LAMB2: variants seen among roughly 807,000 people sequenced by gnomAD.
LAMB2 encodes the protein laminin subunit beta 2.
In LAMB2, 119 loss-of-function variants were observed where a neutral mutation model predicts 202.7. That is an observed-to-expected ratio of 0.59 (90% CI 0.51 to 0.68). LAMB2 has a LOEUF of 0.68. Ranked by LOEUF, LAMB2 falls within the 30% of genes least tolerant of loss-of-function variation. The pLI is 0.00. For missense variants in LAMB2, 2,124 were observed against 2,410.6 expected, an observed-to-expected ratio of 0.88 and a Z score of 2.49; for synonymous variants, 818 against 902.2, an observed-to-expected ratio of 0.91 and a Z score of 1.67.
At chr3:49,125,566 T>A in intron 18 of LAMB2, 82 bp from the exon 19 acceptor site, 1 of 1,401,238 alleles carries the variant, frequency 7.1e-7, no homozygotes. Context: ...CAGGGGAGTG[T>A]GAGTAGTGGG....
chr3:49,132,935 G>T lies in LAMB2; in HGVS notation c.-68C>A, dbSNP rs2045498096. 1 of 1,435,862 alleles carries T rather than the reference G, an allele frequency of 7.0e-7. No homozygotes were observed. The highest frequency in any genetic ancestry group is 1.4e-5 in the African/African-American group (1 of 71,318). The allele number at this position is 1,435,862 out of a possible 1,614,324, so 88.9% of individuals were successfully genotyped here. A position where few individuals can be genotyped will look rare whatever the true frequency, so the allele number is the denominator to read the frequency against. ...GGCCCGAGCCCTCCTCCTTGCTTTG[G>T]GGTTCCGTGTCAACTCTGCCTGTGG... is the stretch of plus-strand genomic sequence containing the variant. On this transcript the variant is annotated 5_prime_UTR_variant, in exon 1 of 32. Transcript: ENST00000305544. The surrounding 1 kb of genome is among the most constrained non-coding windows in gnomAD (Gnocchi z 4.6).
chr3:49,125,311 T>C lies in LAMB2; in HGVS notation c.2662A>G (p.Thr888Ala). The C allele has an allele frequency of 1.2e-6, 2 of 1,613,920 alleles. No individual in the cohort carries two copies. The highest frequency in any genetic ancestry group is 1.7e-6 in the Non-Finnish European group (2 of 1,180,042). ...VCNGHADECNTHTGACLGCRD... is the reference protein window; with the variant it reads ...VCNGHADECNAHTGACLGCRD... ...CAGCCCAGGCAAGCGCCTGTGTGGG[T>C]GTTGCACTCATCTGCATGCCCATTG... is the stretch of plus-strand genomic sequence containing the variant. Residue 888 changes from threonine to alanine, a missense_variant, in exon 19 of 32, where the codon ACC becomes GCC. Coordinates refer to ENST00000305544, the MANE Select transcript of LAMB2 (RefSeq NM_002292.4).
Position 49,124,296 on chromosome 3 carries a change from G to A in LAMB2, c.3328-10C>T, listed in dbSNP as rs778116467. On this transcript the variant is annotated splice_polypyrimidine_tract_variant and intron_variant, in intron 22 of 31. Transcript: ENST00000305544. ...GGCACTGCCCTGTGAACTGGGGTGG[G>A]AACAAGGCAGGGTCAGAGCCTCTAT... 1.2e-6 allele frequency: 2 copies of A among 1,613,898 alleles called. No homozygotes were observed. Among genetic ancestry groups the A allele is most frequent in the Admixed American group, 1.7e-5 (1 of 60,032 alleles).
chr3:49,122,048 C>G lies in LAMB2; in HGVS notation c.4819G>C (p.Val1607Leu). The change falls in exon 29 of 32, where the codon GTA (valine) becomes CTA (leucine). Residue 1607 changes from valine to leucine, a missense_variant. Coordinates refer to ENST00000305544, the MANE Select transcript of LAMB2 (RefSeq NM_002292.4). The part of the protein sequence containing the change: ...AEDEKQKAET[V>L]QAALEEAQRA... ...TGGGCCTCCTCCAGTGCTGCCTGTACTGTCTCTGCCTTCTGTTTCTCATCC... is the reference window on the plus strand; with the variant it reads ...TGGGCCTCCTCCAGTGCTGCCTGTAGTGTCTCTGCCTTCTGTTTCTCATCC... 6.2e-7 allele frequency: 1 copy of G among 1,613,672 alleles called. No individual in the cohort carries two copies. The highest frequency in any genetic ancestry group is 8.5e-7 in the Non-Finnish European group (1 of 1,180,034).
rs943097202 is a variant in LAMB2, at chr3:49,129,461, C to T, written c.1519-137G>A. On this transcript the variant is annotated intron_variant, in intron 11 of 31. Transcript: ENST00000305544. This position sits in a 1 kb window ranked among gnomAD's most constrained non-coding sequence, Gnocchi z 6.1. ...GCCCCCCAGACCACTGGCCCACATC[C>T]TTGGCCTCCCAGACCTGAGGCTTCT... 1 of 1,079,142 alleles carries T rather than the reference C, an allele frequency of 9.3e-7. No homozygotes were observed. Among genetic ancestry groups the T allele is most frequent in the African/African-American group, 1.6e-5 (1 of 64,050 alleles). The allele number at this position is 1,079,142 out of a possible 1,614,324, so 66.8% of individuals were successfully genotyped here.
chr3:49,128,309 C>A (rs2045442890), intron 15 of LAMB2, 149 bp downstream of exon 15: 5 of 1,046,946 alleles, frequency 4.8e-6, no homozygotes, highest in Admixed American at 2.5e-5. Context: ...CAGAGCCATG[C>A]CCAACAGGGC....
Position 49,122,818 on chromosome 3 carries a change from C to A in LAMB2, c.4459G>T (p.Ala1487Ser), listed in dbSNP as rs917006966. 2.0e-5 allele frequency: 33 copies of A among 1,613,410 alleles called. No individual in the cohort carries two copies. The highest frequency in any genetic ancestry group is 2.4e-5 in the Non-Finnish European group (28 of 1,180,024). ...VAETRRQASEAQQRAQAALDK... is the reference protein window; with the variant it reads ...VAETRRQASESQQRAQAALDK... The stretch of plus-strand genomic sequence containing the variant: ...AGGGCTGCCTGGGCCCGCTGCTGTG[C>A]CTCGCTTGCCTGCCGACGAGTCTCA... The change falls in exon 27 of 32, where the codon GCA becomes TCA. Residue 1487 changes from alanine to serine, a missense_variant. Ala to Ser is a moderately conservative substitution (Grantham distance 99, BLOSUM62 1). Around this residue, in one of 3 missense-constraint regions of LAMB2, gnomAD observed 1,702 missense variants for 1,896.3 expected, o/e 0.90. Transcript: ENST00000305544.
At position 49,132,060 on chromosome 3, in the gene LAMB2, G is replaced by T; in HGVS notation, c.459+56C>A. Reference sequence around the variant, plus strand: ...TGTTAAGGAGCTGAGGCTCTGTCCAGGGGCAATGGAGAGCCAAGCAGGGTG... The same window carrying T: ...TGTTAAGGAGCTGAGGCTCTGTCCATGGGCAATGGAGAGCCAAGCAGGGTG... On this transcript the variant is annotated intron_variant, in intron 4 of 31. Transcript: ENST00000305544. The surrounding 1 kb of genome is among the most constrained non-coding windows in gnomAD (Gnocchi z 4.6). 1 of 1,526,444 alleles carries T rather than the reference G, an allele frequency of 6.6e-7. No homozygotes were observed. Among genetic ancestry groups the T allele is most frequent in the South Asian group, 1.1e-5 (1 of 88,910 alleles). 94.6% of individuals were successfully genotyped at this position (1,526,444 alleles called of 1,614,324 possible). A position where few individuals can be genotyped will look rare whatever the true frequency, so the allele number is the denominator to read the frequency against.
At position 49,131,413 on chromosome 3, in the gene LAMB2, G is replaced by A. The variant is rs778639491; in HGVS notation, c.678C>T (p.Ile226=). The A allele has an allele frequency of 6.2e-7, 1 of 1,614,168 alleles. No individual in the cohort carries two copies. The highest frequency in any genetic ancestry group is 1.1e-5 in the South Asian group (1 of 91,092). The change falls in exon 6 of 32, where the codon ATC becomes ATT. Residue 226 remains isoleucine, a synonymous_variant. Coordinates refer to ENST00000305544, the MANE Select transcript of LAMB2 (RefSeq NM_002292.4). This position sits in a 1 kb window ranked among gnomAD's most constrained non-coding sequence, Gnocchi z 5.0. ...GTGAGCTGTAGGGGTCTGGGATAGG[G>A]ATGGCAGGGTCCAGCACACGATAGA... ...EVIYRVLDPA[I]PIPDPYSSRI...
Position 49,124,590 on chromosome 3 carries a change from G to A in LAMB2, c.3132C>T (p.Gly1044=), listed in dbSNP as rs2045390234. The A allele has an allele frequency of 6.2e-7, 1 of 1,613,554 alleles. No homozygotes were observed. The highest frequency in any genetic ancestry group is 1.3e-5 in the African/African-American group (1 of 74,922). The change falls in exon 22 of 32, where the codon GGC becomes GGT. Residue 1044 remains glycine, a synonymous_variant. Coordinates refer to ENST00000305544, the MANE Select transcript of LAMB2 (RefSeq NM_002292.4). ...SCHRCTCNLL[G]TNPQQCPSPD... is the part of the protein sequence containing the mutation. ...GAGATGGGCACTGCTGCGGATTTGT[G>A]CCCAGCAGGTTGCATGTGCAGCCTG...
At position 49,129,507 on chromosome 3, in the gene LAMB2, G is replaced by C. The variant is rs901518151; in HGVS notation, c.1518+97C>G. On this transcript the variant is annotated intron_variant, in intron 11 of 31. Transcript: ENST00000305544. The surrounding 1 kb of genome is among the most constrained non-coding windows in gnomAD (Gnocchi z 6.1). ...CTTCTCAGCCAGGACTGGATCCTAA[G>C]CTCTCAGCACCCACCCACTGGCATA... The C allele has an allele frequency of 2.6e-6, 3 of 1,158,138 alleles. No individual in the cohort carries two copies. The highest frequency in any genetic ancestry group is 3.8e-6 in the Non-Finnish European group (3 of 783,110). The allele number at this position is 1,158,138 out of a possible 1,614,324, so 71.7% of individuals were successfully genotyped here. A position where few individuals can be genotyped will look rare whatever the true frequency, so the allele number is the denominator to read the frequency against.
At position 49,131,950 on chromosome 3, in the gene LAMB2, C is replaced by T. The variant is rs554746129; in HGVS notation, c.459+166G>A. 6.6e-6 allele frequency among the ~76,000 whole-genome samples: 1 copy of T among 152,120 alleles called. No homozygotes were observed. Among genetic ancestry groups the T allele is most frequent in the Non-Finnish European group, 1.5e-5 (1 of 68,024 alleles). On this transcript the variant is annotated intron_variant, in intron 4 of 31. Coordinates refer to ENST00000305544, the MANE Select transcript of LAMB2 (RefSeq NM_002292.4). This position sits in a 1 kb window ranked among gnomAD's most constrained non-coding sequence, Gnocchi z 5.0. The stretch of plus-strand genomic sequence containing the variant: ...CTGACCCAGCCTGGGATTGGAAAGG[C>T]AGAAGAGCATGTGCAAAGGCCTGGA...
At position 49,125,295 on chromosome 3, in the gene LAMB2, C is replaced by T; in HGVS notation, c.2678G>A (p.Cys893Tyr). The T allele has an allele frequency of 4.3e-6, 7 of 1,613,920 alleles. No homozygotes were observed. The highest frequency in any genetic ancestry group is 5.9e-6 in the Non-Finnish European group (7 of 1,180,048). Residue 893 changes from cysteine to tyrosine, a missense_variant, in exon 19 of 32, where the codon TGC (cysteine) becomes TAC (tyrosine). Around this residue, in one of 3 missense-constraint regions of LAMB2, gnomAD observed 1,702 missense variants for 1,896.3 expected, o/e 0.90. Coordinates refer to ENST00000305544, the MANE Select transcript of LAMB2 (RefSeq NM_002292.4). ...CCCTGTGTGATCACGGCAGCCCAGGCAAGCGCCTGTGTGGGTGTTGCACTC... is the reference window on the plus strand; with the variant it reads ...CCCTGTGTGATCACGGCAGCCCAGGTAAGCGCCTGTGTGGGTGTTGCACTC... ...ADECNTHTGA[C>Y]LGCRDHTGGE...
At position 49,130,629 on chromosome 3, in the gene LAMB2, T is replaced by A; in HGVS notation, c.1036+111A>T. On this transcript the variant is annotated intron_variant, in intron 8 of 31. Coordinates refer to ENST00000305544, the MANE Select transcript of LAMB2 (RefSeq NM_002292.4). The surrounding 1 kb of genome is among the most constrained non-coding windows in gnomAD (Gnocchi z 5.0). ...CCAAGGGGCATCAAGGTCTGCATAC[T>A]CTTTGGATACAGCCTGGGTTTTAGG... 6.5e-7 allele frequency: 1 copy of A among 1,542,258 alleles called. No homozygotes were observed. The highest frequency in any genetic ancestry group is 1.1e-5 in the South Asian group (1 of 89,192).
rs781687520 is a variant in LAMB2, at chr3:49,123,274, G to A, written c.4082C>T (p.Ser1361Leu). ...ALAVPSPVSN[S>L]ASARHRTEAL... ...CTCTGTCCGATGCCGAGCACTTGCC[G>A]AGTTGCTCACAGGGCTAGGTACTGC... Residue 1361 changes from serine (S) to leucine (L), a missense_variant, in exon 26 of 32, where the codon TCG becomes TTG. By Grantham distance (145) the Ser-to-Leu change is moderately radical. Coordinates refer to ENST00000305544, the MANE Select transcript of LAMB2 (RefSeq NM_002292.4). 1.1e-5 allele frequency: 18 copies of A among 1,613,976 alleles called. 1 individual carries two copies. Among genetic ancestry groups the A allele is most frequent in the Middle Eastern group, 3.3e-4 (2 of 6,084 alleles).
chr3:49,131,831 G>T lies in LAMB2; in HGVS notation c.460-108C>A. 8.2e-7 allele frequency: 1 copy of T among 1,223,798 alleles called. No homozygotes were observed. Among genetic ancestry groups the T allele is most frequent in the Non-Finnish European group, 1.2e-6 (1 of 856,272 alleles). The allele number at this position is 1,223,798 out of a possible 1,614,324, so 75.8% of individuals were successfully genotyped here. On this transcript the variant is annotated intron_variant, in intron 4 of 31. Coordinates refer to ENST00000305544, the MANE Select transcript of LAMB2 (RefSeq NM_002292.4). The surrounding 1 kb of genome is among the most constrained non-coding windows in gnomAD (Gnocchi z 5.0). Reference sequence around the variant, plus strand: ...ACTGCCCTCAAATAGCTCACAGAGAGTGGGGGTGACTGGTGGAAGCCAGAT... The same window carrying T: ...ACTGCCCTCAAATAGCTCACAGAGATTGGGGGTGACTGGTGGAAGCCAGAT...
chr3:49,128,915 A>T (rs769906888), intron 13 of LAMB2, 96 bp from the exon 14 acceptor site: 5 of 1,597,640 alleles, frequency 3.1e-6, no homozygotes, highest in Non-Finnish European at 4.3e-6. Flanking sequence ...CCAAAGCTAG[A>T]TATCACCCCT....
chr3:49,124,185 C>T lies in LAMB2; in HGVS notation c.3424+5G>A. 6.2e-7 allele frequency: 1 copy of T among 1,614,182 alleles called. No homozygotes were observed. Among genetic ancestry groups the T allele is most frequent in the Non-Finnish European group, 8.5e-7 (1 of 1,180,024 alleles). Reference sequence around the variant, plus strand: ...CATCTACCCTGGCCCCGCTGGCTCCCTCACCATGGCACTGCAACCCAGGGT... The same window carrying T: ...CATCTACCCTGGCCCCGCTGGCTCCTTCACCATGGCACTGCAACCCAGGGT... On this transcript the variant is annotated splice_donor_5th_base_variant and intron_variant, in intron 23 of 31. Coordinates refer to ENST00000305544, the MANE Select transcript of LAMB2 (RefSeq NM_002292.4).
chr3:49,132,587 C>T lies in LAMB2; in HGVS notation c.153G>A (p.Thr51=), dbSNP rs559247922. 4 of 1,613,732 alleles carry T rather than the reference C, an allele frequency of 2.5e-6. No homozygotes were observed. The African/African-American group carries it at 4.0e-5, about 16-fold the overall frequency. The change falls in exon 2 of 32, where the codon ACG becomes ACA. Residue 51 remains threonine (T), a synonymous_variant. Coordinates refer to ENST00000305544, the MANE Select transcript of LAMB2 (RefSeq NM_002292.4). The surrounding 1 kb of genome is among the most constrained non-coding windows in gnomAD (Gnocchi z 4.6). ...CAGCTCGGCCCACCAGCAGGTCGCC[C>T]GTGGCGGGGTAGCAGCTTCCCCTGG... ...GCSRGSCYPA[T]GDLLVGRADR...
Sources: gnomAD v4.1 joint callset for allele counts (sites outside exome capture counted in the v4.1 genomes callset) on GRCh38, gnomAD v4.1.1 for gene constraint, gnomAD v4.1.1 regional missense constraint, Gnocchi (gnomAD v3.1) non-coding constraint, MANE v1.5 for transcripts, NCBI Gene and HGNC (gene_info 2026-07-23, HGNC 2026-07-21) for gene names.